Variants in MARCHF1 observed in about 807,000 individuals in gnomAD.
MARCHF1 encodes membrane associated ring-CH-type finger 1, also known as E3 ubiquitin-protein ligase MARCHF1.
In MARCHF1, 40 loss-of-function variants were observed where a neutral mutation model predicts 54.2. That is an observed-to-expected ratio of 0.74 (90% CI 0.57 to 0.96). The LOEUF is 0.96. MARCHF1 is among the 40% of genes least tolerant of loss of function. The pLI is 0.00. For missense variants in MARCHF1, 586 were observed against 656.5 expected (o/e 0.89, Z 1.17); for synonymous variants, 236 against 236.3 (o/e 1.00, Z 0.01).
intron 3 of MARCHF1, among the ~76,000 whole-genome samples, chr4:163,867,202 C>A (rs1289915954): frequency 6.6e-6 from 1 of 151,930 alleles, no homozygotes; most frequent in African/African-American, 2.4e-5. Flanking sequence ...CATAAACTAT[C>A]AGTTGTGGTC....
chr4:164,360,088 A>T (rs1730681547), intron 1 of MARCHF1, among the ~76,000 whole-genome samples: 1 of 152,084 alleles, frequency 6.6e-6, no homozygotes, highest in African/African-American at 2.4e-5. Context: ...GCCCCAGCTT[A>T]TCTCATTCAT....
chr4:163,975,245 T>C (rs570296670), intron 3 of MARCHF1, among the ~76,000 whole-genome samples: 4 of 151,696 alleles, frequency 2.6e-5, no homozygotes, highest in Non-Finnish European at 5.9e-5. Flanking sequence ...ATTGTTTCTG[T>C]TTTTCTTGAC....
chr4:164,304,314 C>T (rs773082378), intron 1 of MARCHF1, among the ~76,000 whole-genome samples: 15 of 152,122 alleles, frequency 9.9e-5, no homozygotes, highest in Non-Finnish European at 2.2e-4. Context: ...GCTAAAGAGG[C>T]AAATCAATCC....
At chr4:163,984,331 T>C (rs1458004402) in intron 3 of MARCHF1, among the ~76,000 whole-genome samples, 1 of 152,226 alleles carries the variant, frequency 6.6e-6, no homozygotes, top group Non-Finnish European at 1.5e-5. Context: ...TGGTTTTTGT[T>C]TTCCTCCTAA....
Position 164,190,052 on chromosome 4 carries a change from T to A in MARCHF1, c.-322-78390A>T, listed in dbSNP as rs111255012. 6 of 1,355,804 alleles carry A rather than the reference T, an allele frequency of 4.4e-6. No homozygotes were observed. In the African/African-American group the frequency reaches 5.7e-5, roughly 13 times the overall value. The allele number at this position is 1,355,804 out of a possible 1,614,324, so 84.0% of individuals were successfully genotyped here. On this transcript the variant is annotated intron_variant, in intron 1 of 9. Transcript: ENST00000514618. ...ACACAAAGCTCAAGGAGTGCATTGA[T>A]ACTACAAATGAGCTGGAAAGCTATG...
intron 1 of MARCHF1, among the ~76,000 whole-genome samples, chr4:164,207,011 G>A (rs1172448663): frequency 6.6e-6 from 1 of 152,046 alleles, no homozygotes; most frequent in Non-Finnish European, 1.5e-5. Flanking sequence ...AGTAACAGGG[G>A]ATATTGACTG....
intron 8 of MARCHF1, among the ~76,000 whole-genome samples, chr4:163,564,959 A>G (rs780035361): frequency 6.6e-6 from 1 of 152,072 alleles, no homozygotes; most frequent in Non-Finnish European, 1.5e-5. Flanking sequence ...CCCCACTTCC[A>G]TGGAAGGAAC....
chr4:164,049,314 C>T (rs1231329521), intron 2 of MARCHF1, among the ~76,000 whole-genome samples: 1 of 152,212 alleles, frequency 6.6e-6, no homozygotes, highest in Non-Finnish European at 1.5e-5. Flanking sequence ...GTGATTCAAT[C>T]ACCTCCCACC....
At chr4:163,814,560 G>A (rs540588728) in intron 4 of MARCHF1, among the ~76,000 whole-genome samples, 6 of 152,178 alleles carry the variant, frequency 3.9e-5, no homozygotes, top group African/African-American at 1.4e-4. Flanking sequence ...CTCTAGCCTG[G>A]GCGACAGAGT....
chr4:163,532,509 A>G (rs1291292885), intron 9 of MARCHF1, among the ~76,000 whole-genome samples: 1 of 151,970 alleles, frequency 6.6e-6, no homozygotes, highest in Non-Finnish European at 1.5e-5. Context: ...CAGGTGACCA[A>G]AGTATGATCT....
intron 1 of MARCHF1, among the ~76,000 whole-genome samples, chr4:164,142,347 G>A (rs1168776908): frequency 6.6e-6 from 1 of 152,154 alleles, no homozygotes. Flanking sequence ...GCCTGCCTCT[G>A]TAGGCTCCAC....
chr4:164,000,096 T>C (rs936165651), intron 2 of MARCHF1, among the ~76,000 whole-genome samples: 1 of 151,750 alleles, frequency 6.6e-6, no homozygotes, highest in African/African-American at 2.4e-5. Flanking sequence ...ATTATTAGAA[T>C]GTCCTTCTGG....
chr4:163,901,348 T>G (rs763343324), intron 3 of MARCHF1, among the ~76,000 whole-genome samples: 1 of 152,224 alleles, frequency 6.6e-6, no homozygotes, highest in African/African-American at 2.4e-5. Context: ...GTCTTGTTTT[T>G]GCTGTAATAT....
At chr4:164,238,282 A>G (rs891165090) in intron 1 of MARCHF1, among the ~76,000 whole-genome samples, 4 of 149,234 alleles carry the variant, frequency 2.7e-5, no homozygotes, top group African/African-American at 1.0e-4. Flanking sequence ...CCAGTGGTGA[A>G]GTAAATATTA....
At chr4:164,170,556 G>A (rs942530555) in intron 1 of MARCHF1, among the ~76,000 whole-genome samples, 2 of 151,964 alleles carry the variant, frequency 1.3e-5, no homozygotes, top group Admixed American at 1.3e-4. Flanking sequence ...CTTAATAAAT[G>A]TTTACTAAAC....
At chr4:163,614,811 C>A (rs929797728) in intron 5 of MARCHF1, among the ~76,000 whole-genome samples, 2 of 151,808 alleles carry the variant, frequency 1.3e-5, no homozygotes, top group Non-Finnish European at 2.9e-5. Context: ...CCCAATGTAA[C>A]CATTAGGATC....
chr4:164,203,617 A>T (rs1731516870), intron 1 of MARCHF1, among the ~76,000 whole-genome samples: 1 of 152,148 alleles, frequency 6.6e-6, no homozygotes, highest in Admixed American at 6.5e-5. Flanking sequence ...CCCTGTGCCA[A>T]AAAAACAAAA....
chr4:164,241,648 T>A lies in MARCHF1; in HGVS notation c.-322-129986A>T, dbSNP rs186163162. Among the ~76,000 whole-genome samples the A allele has an allele frequency of 3.7e-4, 57 of 152,230 alleles. 1 individual carries two copies. In the East Asian group the frequency reaches 0.01, roughly 27 times the overall value. On this transcript the variant is annotated intron_variant, in intron 1 of 9. Coordinates refer to ENST00000514618, the MANE Select transcript of MARCHF1 (RefSeq NM_001394959.1). ...GCCAAGATGGCCCAATAGGAACAGC[T>A]CCGGTCTACAGCTCCCAGCGTGAGC...
At chr4:163,750,748 C>T (rs1746497979) in intron 4 of MARCHF1, among the ~76,000 whole-genome samples, 1 of 151,930 alleles carries the variant, frequency 6.6e-6, no homozygotes, top group Non-Finnish European at 1.5e-5. Flanking sequence ...AATGAAAGGA[C>T]AACTTAATTC....
Sources: gnomAD v4.1 joint callset for allele counts (sites outside exome capture counted in the v4.1 genomes callset) on GRCh38, gnomAD v4.1.1 for gene constraint, MANE v1.5 for transcripts, NCBI Gene and HGNC (gene_info 2026-07-23, HGNC 2026-07-21) for gene names.